Variants in PRKCZ observed in about 807,000 individuals in gnomAD.
PRKCZ encodes protein kinase C zeta.
Under a neutral mutation model 79.5 loss-of-function variants are expected in PRKCZ, and 33 were observed. That is an observed-to-expected ratio of 0.41 (90% CI 0.31 to 0.55). The LOEUF is 0.55. Among genes scored for constraint, PRKCZ ranks in the 20% least tolerant of loss-of-function variants. PRKCZ has a pLI of 0.19. For missense variants in PRKCZ, 578 were observed against 813.5 expected (o/e 0.71, Z 3.52); for synonymous variants, 342 against 320.9 (o/e 1.07, Z -0.70).
rs138373719 is a variant in PRKCZ at position 2,173,447 on chromosome 1, C to T, written c.1286-450C>T. On this transcript the variant is annotated intron_variant, in intron 13 of 17. Transcript: ENST00000378567. The surrounding 1 kb of genome is among the most constrained non-coding windows in gnomAD (Gnocchi z 5.7). ...GGGTCAGGGTCTCCCACCCCTCATTCGCTGGAACACATTCCCAACAGGTTG... is the reference window on the plus strand; with the variant it reads ...GGGTCAGGGTCTCCCACCCCTCATTTGCTGGAACACATTCCCAACAGGTTG... 3.0e-3 allele frequency among the ~76,000 whole-genome samples: 455 copies of T among 152,286 alleles called. 1 individual carries two copies. Among genetic ancestry groups the T allele is most frequent in the African/African-American group, 0.01 (429 of 41,554 alleles).
chr1:2,122,568 C>T (rs1399661328), intron 4 of PRKCZ, among the ~76,000 whole-genome samples: 2 of 4,762 alleles, frequency 4.2e-4, no homozygotes, highest in African/African-American at 4.5e-3. Context: ...TGGTTAGGGT[C>T]GTGGTGGTTA....
At chr1:2,126,600 C>A (rs1673945975) in intron 4 of PRKCZ, among the ~76,000 whole-genome samples, 1 of 152,174 alleles carries the variant, frequency 6.6e-6, no homozygotes, top group Non-Finnish European at 1.5e-5. Context: ...TTGGCTTAGA[C>A]CCCAGATGAA....
intron 4 of PRKCZ, among the ~76,000 whole-genome samples, chr1:2,119,842 AG>A (rs1671505218): frequency 6.9e-6 from 1 of 144,582 alleles, no homozygotes; most frequent in Admixed American, 7.1e-5. Flanking sequence ...GCTGGAGTGC[AG>A]TGGTGTGATT....
At chr1:2,081,610 G>C (rs1663531765) in intron 4 of PRKCZ, among the ~76,000 whole-genome samples, 1 of 152,178 alleles carries the variant, frequency 6.6e-6, no homozygotes, top group African/African-American at 2.4e-5. Flanking sequence ...GGCGGGGAGG[G>C]GAGAAGTCAC....
intron 4 of PRKCZ, chr1:2,071,220 G>A: frequency 3.7e-6 from 1 of 269,236 alleles, no homozygotes; most frequent in South Asian, 2.9e-5. Context: ...GGGGCTTTGT[G>A]AGGCTCGACA....
Position 2,056,497 on chromosome 1 carries a change from G to T in PRKCZ, c.207G>T (p.Thr69=). ...KWVDSEGDPC[T]VSSQMELEEA... The stretch of plus-strand genomic sequence containing the variant: ...TGCCCCACCCAGGTGACCCTTGCAC[G>T]GTGTCCTCCCAGATGGAGCTGGAAG... Residue 69 remains threonine, a synonymous_variant, in exon 3 of 18, where the codon ACG becomes ACT. Coordinates refer to ENST00000378567, the MANE Select transcript of PRKCZ (RefSeq NM_002744.6). 1 of 1,613,792 alleles carries T rather than the reference G, an allele frequency of 6.2e-7. No homozygotes were observed. The highest frequency in any genetic ancestry group is 8.5e-7 in the Non-Finnish European group (1 of 1,179,914).
In PRKCZ at chr1:2,106,661, C is replaced by T. The variant is rs1000019726; in HGVS notation, c.335-28601C>T. Reference sequence around the variant, plus strand: ...CCCCTCTGGTGGGCGAGGACCTCCACGTGTGTCACCAGGCCAGGTAACTCT... The same window carrying T: ...CCCCTCTGGTGGGCGAGGACCTCCATGTGTGTCACCAGGCCAGGTAACTCT... On this transcript the variant is annotated intron_variant, in intron 4 of 17. Coordinates refer to ENST00000378567, the MANE Select transcript of PRKCZ (RefSeq NM_002744.6). Among the ~76,000 whole-genome samples, 54 of 96,052 alleles carry T rather than the reference C, an allele frequency of 5.6e-4. 2 individuals carry two copies. Among genetic ancestry groups the T allele is most frequent in the African/African-American group, 2.1e-3 (44 of 20,776 alleles). The allele number at this position is 96,052 out of a possible 152,430, so 63.0% of individuals were successfully genotyped here.
At chr1:2,069,913 C>T (rs938525294) in intron 4 of PRKCZ, among the ~76,000 whole-genome samples, 30 of 152,212 alleles carry the variant, frequency 2.0e-4, no homozygotes, top group African/African-American at 7.0e-4. Context: ...CCCAGTCAGG[C>T]CCCATTGGCC....
At chr1:2,060,329 C>A (rs544511364) in intron 4 of PRKCZ, among the ~76,000 whole-genome samples, 1 of 152,340 alleles carries the variant, frequency 6.6e-6, no homozygotes, top group African/African-American at 2.4e-5. Flanking sequence ...ACACACCTCG[C>A]TGGCCTCAGG....
intron 4 of PRKCZ, among the ~76,000 whole-genome samples, chr1:2,069,572 A>AGGACAGTAGGTGGACGT (rs1661399958): frequency 1.3e-5 from 2 of 152,168 alleles, no homozygotes; most frequent in African/African-American, 4.8e-5. Context: ...CCTGTCTCAA[A>AGGACAGTAGGTGGACGT]GGACAGTAGG....
intron 10 of PRKCZ, among the ~76,000 whole-genome samples, chr1:2,164,690 C>CATTG (rs1173666062): frequency 2.0e-5 from 3 of 152,232 alleles, no homozygotes; most frequent in Admixed American, 1.3e-4. Flanking sequence ...GTGCAAGCTT[C>CATTG]ATTGGATTTT....
At chr1:2,157,980 G>A (rs912359022) in intron 10 of PRKCZ, among the ~76,000 whole-genome samples, 4 of 152,216 alleles carry the variant, frequency 2.6e-5, no homozygotes, top group African/African-American at 4.8e-5. Flanking sequence ...TCTGCTGCTC[G>A]GTTCTTAGCT....
At chr1:2,181,221 C>T (rs1206056956) in intron 16 of PRKCZ, among the ~76,000 whole-genome samples, 1 of 152,214 alleles carries the variant, frequency 6.6e-6, no homozygotes, top group Non-Finnish European at 1.5e-5. Context: ...TCTGTGGCCC[C>T]CAGCGCACAA....
chr1:2,144,303 T>A lies in PRKCZ; in HGVS notation c.514T>A (p.Cys172Ser), dbSNP rs1359310924. 6.4e-7 allele frequency: 1 copy of A among 1,573,360 alleles called. No homozygotes were observed. The change falls in exon 6 of 18, where the codon TGC becomes AGC. Residue 172 changes from cysteine (C) to serine (S), a missense_variant. This residue lies in a region of PRKCZ where 16 missense variants were observed against 37.4 expected (regional missense o/e 0.43). Coordinates refer to ENST00000378567, the MANE Select transcript of PRKCZ (RefSeq NM_002744.6). ...CTGCAAACTGCTGGTCCATAAGCGC[T>A]GCCACGGCCTCGTCCCGCTGACCTG... is the stretch of plus-strand genomic sequence containing the variant. ...INCKLLVHKR[C>S]HGLVPLTCRK... is the part of the protein sequence containing the mutation.
At chr1:2,096,095 C>G (rs905395958) in intron 4 of PRKCZ, among the ~76,000 whole-genome samples, 4 of 151,528 alleles carry the variant, frequency 2.6e-5, no homozygotes, top group Non-Finnish European at 5.9e-5. Flanking sequence ...TCCCAGGGAG[C>G]AGGCAGCTGC....
In PRKCZ at chr1:2,094,764, T is replaced by C. The variant is rs1666166339; in HGVS notation, c.334+35173T>C. 6.6e-6 allele frequency among the ~76,000 whole-genome samples: 1 copy of C among 152,244 alleles called. No individual in the cohort carries two copies. Among genetic ancestry groups the C allele is most frequent in the Non-Finnish European group, 1.5e-5 (1 of 68,052 alleles). On this transcript the variant is annotated intron_variant, in intron 4 of 17. Coordinates refer to ENST00000378567, the MANE Select transcript of PRKCZ (RefSeq NM_002744.6). This position sits in a 1 kb window ranked among gnomAD's most constrained non-coding sequence, Gnocchi z 7.3. ...CCGCTGTGCCCGGCTCGTTGAACCT[T>C]GGGCGCTGCCCGTTCTGAGGCGTCT...
chr1:2,054,224 C>T (rs556040485), intron 1 of PRKCZ, among the ~76,000 whole-genome samples: 1 of 152,286 alleles, frequency 6.6e-6, no homozygotes, highest in South Asian at 2.1e-4. Flanking sequence ...CATCTCACAC[C>T]CCTTCAGGCT....
chr1:2,102,266 C>T (rs566986778), intron 4 of PRKCZ, among the ~76,000 whole-genome samples: 36 of 151,576 alleles, frequency 2.4e-4, no homozygotes, highest in African/African-American at 6.8e-4. Context: ...CATTCATTTC[C>T]AGGGTCTCGT....
chr1:2,092,443 G>A (rs780018021), intron 4 of PRKCZ, among the ~76,000 whole-genome samples: 1 of 152,008 alleles, frequency 6.6e-6, no homozygotes, highest in African/African-American at 2.4e-5. Context: ...TGAAATGCCC[G>A]GGACTCGGCC....
Sources: allele counts gnomAD v4.1 joint callset (sites outside exome capture counted in the v4.1 genomes callset), GRCh38; gene constraint gnomAD v4.1.1; regional missense constraint gnomAD v4.1.1; non-coding constraint Gnocchi (gnomAD v3.1); transcripts MANE v1.5; gene names NCBI Gene and HGNC (gene_info 2026-07-23, HGNC 2026-07-21).